Variants in MICU3 observed in about 807,000 individuals in gnomAD.
MICU3 encodes the protein calcium uptake protein 3, mitochondrial.
MICU3 carries 62 observed loss-of-function variants against 66.5 expected under a neutral mutation model. The observed-to-expected ratio is 0.93, with a 90% confidence interval of 0.76 to 1.15. The LOEUF (loss-of-function observed/expected upper bound fraction) is 1.15, where lower values mean the gene tolerates loss of function less well. Ranked by LOEUF, MICU3 falls within the 50% of genes most tolerant of loss-of-function variation. The probability of loss-of-function intolerance (pLI) is 0.00; values close to 1 mark genes in which losing one functional copy is unlikely to be tolerated. For missense variants in MICU3, 779 were observed against 664.4 expected (o/e 1.17, Z -1.90); for synonymous variants, 308 against 240.7 (o/e 1.28, Z -2.59).
At chr8:17,037,871 G>T (rs1399973124) in intron 1 of MICU3, among the ~76,000 whole-genome samples, 1 of 152,200 alleles carries the variant, frequency 6.6e-6, no homozygotes, top group African/African-American at 2.4e-5. Context: ...TGGAGTCAAA[G>T]GAGATCATTT....
At chr8:17,135,314 C>G in the MICU3 span, among the ~76,000 whole-genome samples, 1 of 151,844 alleles carries the variant, frequency 6.6e-6, no homozygotes, top group Non-Finnish European at 1.5e-5. Context: ...AGGAGAATTG[C>G]TTGAACCTGG....
chr8:17,071,617 C>T (rs1030155863), intron 3 of MICU3, among the ~76,000 whole-genome samples: 2 of 151,858 alleles, frequency 1.3e-5, no homozygotes, highest in Non-Finnish European at 2.9e-5. Flanking sequence ...AAAGAAGAGG[C>T]TCTAAGGATT....
At chr8:17,039,622 C>T (rs752106322) in intron 1 of MICU3, among the ~76,000 whole-genome samples, 1 of 152,100 alleles carries the variant, frequency 6.6e-6, no homozygotes, top group Non-Finnish European at 1.5e-5. Context: ...TAGGATTATA[C>T]ATACATAATT....
intron 1 of MICU3, among the ~76,000 whole-genome samples, chr8:17,041,630 T>G (rs535808361): frequency 6.6e-6 from 1 of 152,112 alleles, no homozygotes; most frequent in East Asian, 1.9e-4. Context: ...TCGATCGTGT[T>G]TAAATGCTGA....
chr8:17,086,860 T>A, intron 6 of MICU3, 104 bp from the exon 7 acceptor site: 1 of 701,970 alleles, frequency 1.4e-6, no homozygotes, highest in Non-Finnish European at 2.5e-6. Context: ...TCTTGGTGGA[T>A]GAAGCTGTTT....
chr8:17,057,684 G>A (rs1305014321), intron 1 of MICU3, among the ~76,000 whole-genome samples: 62 of 151,880 alleles, frequency 4.1e-4, no homozygotes, highest in Non-Finnish European at 4.4e-5. Context: ...ACTTTTGAAA[G>A]GCATATTTTA....
chr8:17,076,555 A>C (rs1426511811), intron 3 of MICU3, among the ~76,000 whole-genome samples: 1 of 152,214 alleles, frequency 6.6e-6, no homozygotes, highest in Non-Finnish European at 1.5e-5. Context: ...TATGGGCTTC[A>C]AGGTGTCCAT....
chr8:17,136,433 G>C, the MICU3 span, among the ~76,000 whole-genome samples: 1 of 152,088 alleles, frequency 6.6e-6, no homozygotes, highest in African/African-American at 2.4e-5. Context: ...GTTGCACAAA[G>C]ACCCATGTCA....
chr8:17,040,174 T>C (rs1470612678), intron 1 of MICU3, among the ~76,000 whole-genome samples: 8 of 152,160 alleles, frequency 5.3e-5, no homozygotes, highest in Admixed American at 1.3e-4. Flanking sequence ...TCCCGAAGTG[T>C]TGGGATTATA....
At chr8:17,055,026 C>A (rs1041691959) in intron 1 of MICU3, among the ~76,000 whole-genome samples, 4 of 152,088 alleles carry the variant, frequency 2.6e-5, no homozygotes, top group Non-Finnish European at 5.9e-5. Context: ...CATGAGCCAC[C>A]GTGCCCAGCC....
chr8:17,114,944 C>A (rs1802543815), intron 12 of MICU3, among the ~76,000 whole-genome samples: 1 of 151,848 alleles, frequency 6.6e-6, no homozygotes, highest in African/African-American at 2.4e-5. Flanking sequence ...ACGGTGAAAC[C>A]CCGTCTCTAC....
intron 9 of MICU3, among the ~76,000 whole-genome samples, chr8:17,099,307 G>T (rs1248853509): frequency 1.3e-5 from 2 of 151,716 alleles, no homozygotes; most frequent in Admixed American, 1.3e-4. Flanking sequence ...TAAATACTGA[G>T]ATTTGTTTTT....
chr8:17,058,079 A>G (rs561852841), intron 1 of MICU3, among the ~76,000 whole-genome samples: 2 of 152,218 alleles, frequency 1.3e-5, no homozygotes, highest in East Asian at 3.9e-4. Context: ...CGAACTCCTG[A>G]CCGCAGGTGA....
the MICU3 span, among the ~76,000 whole-genome samples, chr8:17,128,948 T>G: frequency 1.0e-3 from 156 of 152,244 alleles, no homozygotes; most frequent in Non-Finnish European, 1.9e-3. Context: ...CAAGACTTCA[T>G]GGGGCACGGC....
chr8:17,128,358 G>A, the MICU3 span, among the ~76,000 whole-genome samples: 29 of 152,020 alleles, frequency 1.9e-4, no homozygotes, highest in East Asian at 2.3e-3. Flanking sequence ...TCCAGATAAA[G>A]GTAGCCACTA....
chr8:17,050,291 A>G (rs1815838437), intron 1 of MICU3, among the ~76,000 whole-genome samples: 2 of 151,950 alleles, frequency 1.3e-5, no homozygotes, highest in Admixed American at 1.3e-4. Flanking sequence ...TGTGAATTTT[A>G]AAAATAATAT....
chr8:17,113,314 G>C (rs188400776), intron 11 of MICU3, among the ~76,000 whole-genome samples: 2 of 152,332 alleles, frequency 1.3e-5, no homozygotes, highest in Admixed American at 1.3e-4. Context: ...TTGCTGAGGA[G>C]AACCCATTAA....
intron 11 of MICU3, among the ~76,000 whole-genome samples, chr8:17,108,907 T>G (rs1322621312): frequency 1.3e-5 from 2 of 152,148 alleles, no homozygotes; most frequent in African/African-American, 4.8e-5. Context: ...CCTAGCTCAC[T>G]CTGCACCAAC....
intron 1 of MICU3, among the ~76,000 whole-genome samples, chr8:17,030,645 A>G (rs1811864814): frequency 6.6e-6 from 1 of 152,252 alleles, no homozygotes; most frequent in African/African-American, 2.4e-5. Context: ...GTCTTCTGGA[A>G]GCAGGCACAG....
Sources: allele counts gnomAD v4.1 joint callset (sites outside exome capture counted in the v4.1 genomes callset), GRCh38; gene constraint gnomAD v4.1.1; transcripts MANE v1.5; gene names NCBI Gene and HGNC (gene_info 2026-07-23, HGNC 2026-07-21).